RABGAP1L: variants seen among roughly 807,000 people sequenced by gnomAD.
The protein encoded by RABGAP1L is rab GTPase-activating protein 1-like.
RABGAP1L carries 63 observed loss-of-function variants against 137.7 expected under a neutral mutation model. That is an observed-to-expected ratio of 0.46 (90% confidence interval 0.37 to 0.56). The LOEUF (loss-of-function observed/expected upper bound fraction) is 0.56, where lower values mean the gene tolerates loss of function less well. Among genes scored for constraint, RABGAP1L ranks in the 20% least tolerant of loss-of-function variants. The pLI, the probability that RABGAP1L is intolerant of heterozygous loss-of-function variation, is 0.00. For missense variants in RABGAP1L, 1,095 were observed against 1,244.0 expected (o/e 0.88, Z 1.80); for synonymous variants, 431 against 433.7 (o/e 0.99, Z 0.08).
chr1:174,775,763 T>C (rs1332000516), intron 18 of RABGAP1L, among the ~76,000 whole-genome samples: 2 of 152,146 alleles, frequency 1.3e-5, no homozygotes, highest in African/African-American at 4.8e-5. Context: ...GTTCATCTGC[T>C]CAAAGTCAAG....
intron 13 of RABGAP1L, among the ~76,000 whole-genome samples, chr1:174,628,099 G>A (rs1441772564): frequency 6.6e-6 from 1 of 151,964 alleles, no homozygotes; most frequent in East Asian, 1.9e-4. Flanking sequence ...TTTCTTTATT[G>A]TGTGGGTTAC....
intron 15 of RABGAP1L, among the ~76,000 whole-genome samples, chr1:174,692,906 G>A (rs1382294003): frequency 4.6e-5 from 7 of 152,044 alleles, no homozygotes; most frequent in Non-Finnish European, 8.8e-5. Flanking sequence ...AAAAATCTTA[G>A]GCATTAAAAG....
intron 14 of RABGAP1L, among the ~76,000 whole-genome samples, chr1:174,656,700 T>C (rs1012292100): frequency 1.3e-5 from 2 of 152,244 alleles, no homozygotes; most frequent in Non-Finnish European, 2.9e-5. Context: ...AGTTGTTTGA[T>C]TGGTTACTGA....
intron 7 of RABGAP1L, among the ~76,000 whole-genome samples, chr1:174,263,065 G>A (rs1011132814): frequency 2.6e-5 from 4 of 152,198 alleles, no homozygotes; most frequent in Admixed American, 6.5e-5. Flanking sequence ...TTCTGTCTCA[G>A]TGAGGCCCTC....
chr1:174,565,626 C>T (rs147623447), intron 13 of RABGAP1L, among the ~76,000 whole-genome samples: 5 of 152,174 alleles, frequency 3.3e-5, no homozygotes, highest in East Asian at 1.9e-4. Flanking sequence ...CTGGACTTGA[C>T]GCAGTTTGGA....
chr1:174,506,319 T>C (rs930417216), intron 13 of RABGAP1L, among the ~76,000 whole-genome samples: 5 of 152,196 alleles, frequency 3.3e-5, no homozygotes, highest in Admixed American at 2.0e-4. Flanking sequence ...GGTGCTACCA[T>C]GGCAGAGATA....
At chr1:174,469,901 T>G (rs1657720941) in intron 13 of RABGAP1L, among the ~76,000 whole-genome samples, 1 of 152,068 alleles carries the variant, frequency 6.6e-6, no homozygotes, top group South Asian at 2.1e-4. Flanking sequence ...TGCTTTACCC[T>G]TTAAAGCCTC....
intron 11 of RABGAP1L, among the ~76,000 whole-genome samples, chr1:174,356,122 C>CTTTT (rs1683619852): frequency 3.3e-5 from 5 of 152,072 alleles, no homozygotes; most frequent in Non-Finnish European, 4.4e-5. Context: ...GAAAATAGAT[C>CTTTT]ACTTTTATAT....
At chr1:174,210,749 A>G (rs566303245) in intron 1 of RABGAP1L, among the ~76,000 whole-genome samples, 92 of 152,220 alleles carry the variant, frequency 6.0e-4, no homozygotes, top group Non-Finnish European at 1.0e-3. Context: ...AGAAGGTTAT[A>G]GAACACCAAG....
intron 13 of RABGAP1L, among the ~76,000 whole-genome samples, chr1:174,635,183 C>A (rs1353536394): frequency 6.6e-6 from 1 of 152,080 alleles, no homozygotes; most frequent in Non-Finnish European, 1.5e-5. Context: ...TTAAACACAG[C>A]ATAATGCTAA....
At chr1:174,609,655 T>C (rs1308355992) in intron 13 of RABGAP1L, among the ~76,000 whole-genome samples, 3 of 152,220 alleles carry the variant, frequency 2.0e-5, no homozygotes, top group Non-Finnish European at 4.4e-5. Context: ...AAGCTATTTT[T>C]CTGTGAAAAA....
intron 14 of RABGAP1L, among the ~76,000 whole-genome samples, chr1:174,674,897 T>G (rs1677490027): frequency 6.6e-6 from 1 of 152,252 alleles, no homozygotes; most frequent in African/African-American, 2.4e-5. Context: ...TTTTGAGAAG[T>G]GTCTGTTCAT....
chr1:174,335,850 C>T (rs988888617), intron 11 of RABGAP1L, among the ~76,000 whole-genome samples: 47 of 152,116 alleles, frequency 3.1e-4, no homozygotes, highest in African/African-American at 1.1e-3. Context: ...ATTTGTGTAC[C>T]TGCTGTATTT....
At chr1:174,686,311 T>TC (rs1678453028) in intron 15 of RABGAP1L, among the ~76,000 whole-genome samples, 1 of 152,210 alleles carries the variant, frequency 6.6e-6, no homozygotes, top group African/African-American at 2.4e-5. Flanking sequence ...ATGGTTTTTT[T>TC]CCCTCTGTTA....
chr1:174,860,089 T>C (rs759637719), intron 19 of RABGAP1L, among the ~76,000 whole-genome samples: 1 of 151,536 alleles, frequency 6.6e-6, no homozygotes, highest in Non-Finnish European at 1.5e-5. Context: ...ACCTCCTTCA[T>C]GACAAAATTC....
intron 14 of RABGAP1L, among the ~76,000 whole-genome samples, chr1:174,652,132 ATTCTT>A (rs1483158715): frequency 1.3e-5 from 2 of 152,232 alleles, no homozygotes; most frequent in Non-Finnish European, 2.9e-5. Flanking sequence ...TGGGTTAAAA[ATTCTT>A]TTCTTTAAGA....
chr1:174,643,018 C>T (rs997985270), intron 14 of RABGAP1L, among the ~76,000 whole-genome samples: 6 of 152,136 alleles, frequency 3.9e-5, no homozygotes, highest in African/African-American at 7.2e-5. Context: ...TCCCTGAATT[C>T]GGACAATTCG....
At chr1:174,689,545 A>G (rs565515771) in intron 15 of RABGAP1L, among the ~76,000 whole-genome samples, 1 of 152,278 alleles carries the variant, frequency 6.6e-6, no homozygotes, top group South Asian at 2.1e-4. Flanking sequence ...TTATGTTAGT[A>G]GACAAAAAAG....
intron 17 of RABGAP1L, among the ~76,000 whole-genome samples, chr1:174,728,339 C>G (rs1287894474): frequency 6.6e-6 from 1 of 152,120 alleles, no homozygotes; most frequent in Non-Finnish European, 1.5e-5. Context: ...AATGTTCAAG[C>G]TCGGAGCCAA....
Sources: gnomAD v4.1 joint callset for allele counts (sites outside exome capture counted in the v4.1 genomes callset) on GRCh38, gnomAD v4.1.1 for gene constraint, MANE v1.5 for transcripts, NCBI Gene and HGNC (gene_info 2026-07-23, HGNC 2026-07-21) for gene names.